GRIA2: variants seen among roughly 807,000 people sequenced by gnomAD.
GRIA2 encodes glutamate receptor 2.
In GRIA2, 14 loss-of-function variants were observed where a neutral mutation model predicts 97.3. That is an observed-to-expected ratio of 0.14 (90% CI 0.10 to 0.23). The LOEUF (loss-of-function observed/expected upper bound fraction) is 0.23, where lower values mean the gene tolerates loss of function less well. GRIA2 is among the 10% of genes least tolerant of loss of function. The pLI is 1.00. For missense variants in GRIA2, 558 were observed against 1,069.8 expected, an observed-to-expected ratio of 0.52 and a Z score of 6.67; for synonymous variants, 412 against 387.8, an observed-to-expected ratio of 1.06 and a Z score of -0.73.
At chr4:157,296,243 AG>A (rs1221920581) in intron 2 of GRIA2, among the ~76,000 whole-genome samples, 1 of 152,186 alleles carries the variant, frequency 6.6e-6, no homozygotes, top group Non-Finnish European at 1.5e-5. Flanking sequence ...TACATTTCAT[AG>A]GTAATTTTAA....
chr4:157,283,536 A>G (rs1732703210), intron 2 of GRIA2, among the ~76,000 whole-genome samples: 1 of 151,962 alleles, frequency 6.6e-6, no homozygotes, highest in East Asian at 1.9e-4. Context: ...AGCAAAAACA[A>G]TTTCTTCAGT....
rs1211593039 is a variant in GRIA2, at chr4:157,363,015, G to T, written c.2623G>T (p.Val875Leu). Residue 875 changes from valine (V) to leucine (L), a missense_variant, in exon 15 of 16, where the codon GTA becomes TTA. Val to Leu is a conservative substitution (Grantham distance 32). Transcript: ENST00000264426. Reference sequence around the variant, plus strand: ...TGCAACTTATAAGGAAGGTTACAACGTATATGGCATCGAAAGTGTTAAAAT... The same window carrying T: ...TGCAACTTATAAGGAAGGTTACAACTTATATGGCATCGAAAGTGTTAAAAT... Reference protein sequence around the residue: ...NFATYKEGYNVYGIESVKI With the variant: ...NFATYKEGYNLYGIESVKI 6.2e-7 allele frequency: 1 copy of T among 1,612,648 alleles called. No homozygotes were observed. The highest frequency in any genetic ancestry group is 8.5e-7 in the Non-Finnish European group (1 of 1,179,086).
intron 8 of GRIA2, among the ~76,000 whole-genome samples, 188 bp downstream of exon 8, chr4:157,333,541 AATT>A (rs1043070271): frequency 5.9e-5 from 9 of 152,010 alleles, no homozygotes; most frequent in African/African-American, 2.2e-4. Context: ...ATTGAATTGT[AATT>A]TTAAAAATAA....
chr4:157,328,319 A>G (rs927330749), intron 6 of GRIA2, among the ~76,000 whole-genome samples: 2 of 151,994 alleles, frequency 1.3e-5, no homozygotes, highest in African/African-American at 2.4e-5. Flanking sequence ...TAAGCCCTCA[A>G]TAAAACATTG....
intron 2 of GRIA2, among the ~76,000 whole-genome samples, chr4:157,230,437 G>A (rs992852427): frequency 6.6e-6 from 1 of 152,126 alleles, no homozygotes; most frequent in Non-Finnish European, 1.5e-5. Context: ...ACTCTAAGAG[G>A]CAGCATAACT....
intron 14 of GRIA2, chr4:157,362,591 A>T: frequency 3.3e-6 from 2 of 609,196 alleles, no homozygotes; most frequent in Non-Finnish European, 3.0e-6. Flanking sequence ...TAGTCGATTG[A>T]GTCCACCAAA....
chr4:157,298,252 G>T (rs1168408874), intron 2 of GRIA2, among the ~76,000 whole-genome samples: 2 of 152,088 alleles, frequency 1.3e-5, no homozygotes, highest in East Asian at 1.9e-4. Flanking sequence ...TATAAGTGGG[G>T]AACTTACCTG....
At position 157,363,679 on chromosome 4, in the gene GRIA2, C is replaced by A; in HGVS notation, c.*248C>A. 1.4e-6 allele frequency: 1 copy of A among 715,976 alleles called. No homozygotes were observed. The allele number at this position is 715,976 out of a possible 1,614,324, so 44.4% of individuals were successfully genotyped here. A position where few individuals can be genotyped will look rare whatever the true frequency, so the allele number is the denominator to read the frequency against. On this transcript the variant is annotated 3_prime_UTR_variant, in exon 16 of 16. Transcript: ENST00000264426. ...CAAAGTGGTGAGAGGCATCCAGTAT[C>A]TTGAAGACTTTTCTTTCAGCCAAGA...
intron 2 of GRIA2, among the ~76,000 whole-genome samples, chr4:157,252,216 C>T (rs968876923): frequency 6.6e-6 from 1 of 152,062 alleles, no homozygotes; most frequent in Non-Finnish European, 1.5e-5. Context: ...GCAGGAAGTT[C>T]TTAACTGTCA....
intron 2 of GRIA2, among the ~76,000 whole-genome samples, chr4:157,222,207 G>A: frequency 6.6e-6 from 1 of 152,182 alleles, no homozygotes; most frequent in African/African-American, 2.4e-5. Context: ...CCCAGGGCGC[G>A]CAGTCGGGCT....
Position 157,335,826 on chromosome 4 carries a change from G to A in GRIA2, c.1422G>A (p.Arg474=), listed in dbSNP as rs1446118816. 4 of 1,612,592 alleles carry A rather than the reference G, an allele frequency of 2.5e-6. No individual in the cohort carries two copies. The highest frequency in any genetic ancestry group is 3.4e-6 in the Non-Finnish European group (4 of 1,179,142). Residue 474 remains arginine (R), a synonymous_variant, in exon 10 of 16, where the codon AGG becomes AGA. Transcript: ENST00000264426. ...TIVGDGKYGA[R]DADTKIWNGM... ...TTGGTGATGGCAAGTATGGGGCCAG[G>A]GATGCAGACACGAAAATTTGGAATG...
intron 2 of GRIA2, among the ~76,000 whole-genome samples, chr4:157,291,006 A>G (rs1314475930): frequency 6.6e-6 from 1 of 151,992 alleles, no homozygotes; most frequent in African/African-American, 2.4e-5. Context: ...TCATTTAGAT[A>G]TCTTCGAAAT....
At chr4:157,279,956 C>G in intron 2 of GRIA2, among the ~76,000 whole-genome samples, 1 of 152,172 alleles carries the variant, frequency 6.6e-6, no homozygotes, top group East Asian at 1.9e-4. Context: ...AAAACCCCGT[C>G]TCTACTAAAA....
chr4:157,348,381 A>G (rs992535257), intron 12 of GRIA2, among the ~76,000 whole-genome samples: 3 of 151,962 alleles, frequency 2.0e-5, no homozygotes, highest in African/African-American at 4.8e-5. Context: ...TGGGACCACA[A>G]GTGTTCACCA....
chr4:157,244,502 G>A (rs984634211), intron 2 of GRIA2, among the ~76,000 whole-genome samples: 3 of 151,994 alleles, frequency 2.0e-5, no homozygotes, highest in Non-Finnish European at 2.9e-5. Context: ...AAATATATTC[G>A]TCTGATTGGA....
chr4:157,342,343 T>C, intron 12 of GRIA2: 7 of 985,226 alleles, frequency 7.1e-6, no homozygotes, highest in Non-Finnish European at 8.4e-6. Context: ...ATCTCTTTTC[T>C]GAATAACTTC....
chr4:157,337,921 T>A (rs1003333647), intron 11 of GRIA2, among the ~76,000 whole-genome samples: 5 of 148,764 alleles, frequency 3.4e-5, no homozygotes, highest in Non-Finnish European at 7.4e-5. Context: ...TCCACCAGAT[T>A]CCCTGTGACT....
At chr4:157,244,182 G>A (rs1473214478) in intron 2 of GRIA2, among the ~76,000 whole-genome samples, 1 of 151,962 alleles carries the variant, frequency 6.6e-6, no homozygotes, top group Non-Finnish European at 1.5e-5. Flanking sequence ...AAAAACCTTG[G>A]TGTGATTACT....
intron 2 of GRIA2, among the ~76,000 whole-genome samples, chr4:157,244,451 A>G (rs1730641448): frequency 6.6e-6 from 1 of 152,094 alleles, no homozygotes; most frequent in Non-Finnish European, 1.5e-5. Context: ...CAATGGGAAA[A>G]GCAAAGATTT....
Sources: gnomAD v4.1 joint callset for allele counts (sites outside exome capture counted in the v4.1 genomes callset) on GRCh38, gnomAD v4.1.1 for gene constraint, MANE v1.5 for transcripts, NCBI Gene and HGNC (gene_info 2026-07-23, HGNC 2026-07-21) for gene names.